SEPTIN2: variants seen among roughly 807,000 people sequenced by gnomAD.
The protein encoded by SEPTIN2 is septin-2.
SEPTIN2 carries 34 observed loss-of-function variants against 46.5 expected under a neutral mutation model. That is an observed-to-expected ratio of 0.73 (90% CI 0.56 to 0.97). The LOEUF is 0.97. Ranked by LOEUF, SEPTIN2 falls within the 50% of genes least tolerant of loss-of-function variation. The probability of loss-of-function intolerance (pLI) is 0.00; values close to 1 mark genes in which losing one functional copy is unlikely to be tolerated. For synonymous variants in SEPTIN2, 175 were observed against 153.4 expected (o/e 1.14, Z -1.04); for missense variants, 347 against 448.4 (o/e 0.77, Z 2.04).
At chr2:241,335,608 T>C (rs2079823812) in intron 4 of SEPTIN2, 3 of 586,656 alleles carry the variant, frequency 5.1e-6, no homozygotes, top group Non-Finnish European at 9.1e-6. Flanking sequence ...CACAAATGAC[T>C]GTTGAATGAA....
At chr2:241,328,560 A>C (rs774703007) in intron 3 of SEPTIN2, among the ~76,000 whole-genome samples, 3 of 151,352 alleles carry the variant, frequency 2.0e-5, no homozygotes, top group Admixed American at 6.6e-5. Flanking sequence ...AACATGGAGA[A>C]ATCCTGCCTT....
At chr2:241,342,234 G>GT (rs968771128) in intron 7 of SEPTIN2, among the ~76,000 whole-genome samples, 12 of 150,498 alleles carry the variant, frequency 8.0e-5, no homozygotes, top group South Asian at 2.1e-4. Flanking sequence ...ACGAGGTTTT[G>GT]TTTTTTTTTC....
chr2:241,329,867 C>T (rs1007824882), intron 3 of SEPTIN2, among the ~76,000 whole-genome samples: 2 of 152,212 alleles, frequency 1.3e-5, no homozygotes, highest in African/African-American at 4.8e-5. Context: ...TAAGGAAGAG[C>T]AACAGGCTAT....
chr2:241,328,688 G>C (rs912584604), intron 3 of SEPTIN2, among the ~76,000 whole-genome samples: 1 of 152,158 alleles, frequency 6.6e-6, no homozygotes, highest in Non-Finnish European at 1.5e-5. Flanking sequence ...GTTGCAGTGA[G>C]CCGAGATCCC....
intron 5 of SEPTIN2, chr2:241,336,760 C>A (rs778622298): frequency 5.9e-6 from 1 of 170,822 alleles, no homozygotes; most frequent in Non-Finnish European, 1.4e-5. Context: ...TCTCTACCAC[C>A]CTGTTCCTCT....
intron 7 of SEPTIN2, among the ~76,000 whole-genome samples, chr2:241,338,938 A>T (rs1228688853): frequency 1.0e-5 from 1 of 96,602 alleles, no homozygotes; most frequent in South Asian, 2.6e-4. Flanking sequence ...TATATTTATT[A>T]TATATATTAT....
At chr2:241,318,774 C>T (rs1212478050) in intron 1 of SEPTIN2, among the ~76,000 whole-genome samples, 1 of 149,570 alleles carries the variant, frequency 6.7e-6, no homozygotes, top group African/African-American at 2.5e-5. Flanking sequence ...GATCTCAGCT[C>T]ACTGCACCCT....
At chr2:241,350,388 A>G (rs532106842) in intron 12 of SEPTIN2, among the ~76,000 whole-genome samples, 185 bp downstream of exon 12, 8 of 152,300 alleles carry the variant, frequency 5.3e-5, no homozygotes, top group African/African-American at 1.7e-4. Context: ...CCTACTTTCT[A>G]GTAAAGATTT....
chr2:241,315,620 G>C (rs1211695826), upstream of SEPTIN2: 2 of 152,384 alleles, frequency 1.3e-5, no homozygotes, highest in Non-Finnish European at 2.9e-5. Context: ...GGTAGGAACT[G>C]TGGCGAAACA....
chr2:241,315,432 C>T (rs1170469768), upstream of SEPTIN2: 1 of 152,268 alleles, frequency 6.6e-6, no homozygotes, highest in Non-Finnish European at 1.5e-5. Flanking sequence ...CTCCCCCTCC[C>T]CGTGATCGCT....
intron 9 of SEPTIN2, 81 bp downstream of exon 9, chr2:241,343,978 A>G: frequency 6.6e-7 from 1 of 1,522,102 alleles, no homozygotes; most frequent in East Asian, 2.3e-5. Flanking sequence ...CTTGGCCCCC[A>G]AGATAGTTGC....
intron 7 of SEPTIN2, among the ~76,000 whole-genome samples, chr2:241,338,716 A>ATG (rs1559642109): frequency 1.4e-5 from 1 of 72,746 alleles, no homozygotes; most frequent in African/African-American, 4.6e-5. Flanking sequence ...TATTATTTAT[A>ATG]TAATATATTA....
intron 3 of SEPTIN2, among the ~76,000 whole-genome samples, chr2:241,328,862 A>C (rs112932108): frequency 6.6e-6 from 1 of 150,928 alleles, no homozygotes; most frequent in African/African-American, 2.4e-5. Flanking sequence ...CTCTAGTAAA[A>C]ATACAAAATT....
At chr2:241,345,124 A>AT (rs1441932424) in intron 9 of SEPTIN2, among the ~76,000 whole-genome samples, 9 of 152,178 alleles carry the variant, frequency 5.9e-5, no homozygotes, top group Non-Finnish European at 1.2e-4. Context: ...AAAAAAAAAA[A>AT]CCAAAAAGAA....
chr2:241,336,087 C>T lies in SEPTIN2; in HGVS notation c.330C>T (p.Asn110=), dbSNP rs745741245. The T allele has an allele frequency of 1.2e-6, 2 of 1,614,152 alleles. No individual in the cohort carries two copies. Among genetic ancestry groups the T allele is most frequent in the Admixed American group, 3.3e-5 (2 of 60,020 alleles). The change falls in exon 5 of 13, where the codon AAC becomes AAT. Residue 110 remains asparagine (N), a synonymous_variant. Transcript: ENST00000391971. The part of the protein sequence containing the change: ...VDTPGYGDAI[N]CRDCFKTIIS... ...CCCCTGGCTATGGTGACGCTATCAA[C>T]TGCAGAGATTGGTATGCTCCCCCAT...
At chr2:241,331,256 T>C (rs185169374) in intron 3 of SEPTIN2, among the ~76,000 whole-genome samples, 327 of 152,316 alleles carry the variant, frequency 2.1e-3, no homozygotes, top group Non-Finnish European at 4.0e-3. Flanking sequence ...TCACAAAAAA[T>C]ATTGTTCAGA....
At chr2:241,327,518 A>AAC (rs2078195276) in intron 3 of SEPTIN2, among the ~76,000 whole-genome samples, 1 of 151,788 alleles carries the variant, frequency 6.6e-6, no homozygotes, top group Admixed American at 6.6e-5. Context: ...CAAAAAAAAA[A>AAC]AACATGAAAA....
chr2:241,320,111 A>G (rs1232496021), intron 1 of SEPTIN2: 1 of 404,092 alleles, frequency 2.5e-6, no homozygotes. Flanking sequence ...GCGTTCATTC[A>G]TTCCTTTGTT....
At position 241,335,577 on chromosome 2, in the gene SEPTIN2, C is replaced by T. The variant is rs193089239; in HGVS notation, c.217+365C>T. 2,214 of 604,312 alleles carry T rather than the reference C, an allele frequency of 3.7e-3. 10 individuals are homozygous for T. Among genetic ancestry groups the T allele is most frequent in the Middle Eastern group, 8.0e-3 (18 of 2,258 alleles). The allele number at this position is 604,312 out of a possible 1,614,324, so 37.4% of individuals were successfully genotyped here. On this transcript the variant is annotated intron_variant, in intron 4 of 12. Transcript: ENST00000391971. ...CGAATTCATCTACTGTCAGAAAGTT[C>T]CAGCACAGGACACCAGCATCCACAA...
Sources: gnomAD v4.1 joint callset for allele counts (sites outside exome capture counted in the v4.1 genomes callset) on GRCh38, gnomAD v4.1.1 for gene constraint, MANE v1.5 for transcripts, NCBI Gene and HGNC (gene_info 2026-07-23, HGNC 2026-07-21) for gene names.